The following CCDC116 variants were observed in gnomAD, a reference collection of about 807,000 sequenced individuals.
The protein encoded by CCDC116 is coiled-coil domain containing 116, also known as coiled-coil domain-containing protein 116.
A neutral mutation model predicts 29.4 loss-of-function variants in CCDC116; 24 were observed. The ratio of observed to expected loss-of-function variants is 0.82; its 90% CI spans 0.59 to 1.15. CCDC116 has a LOEUF of 1.15. Ranked by LOEUF, CCDC116 falls within the 50% of genes most tolerant of loss-of-function variation. The pLI, the probability that CCDC116 is intolerant of heterozygous loss-of-function variation, is 0.00. For missense variants in CCDC116, 791 were observed against 804.0 expected (o/e 0.98, Z 0.20); for synonymous variants, 298 against 331.4 (o/e 0.90, Z 1.10).
Position 21,636,759 on chromosome 22 carries a change from G to C in CCDC116, c.1531G>C (p.Ala511Pro). The part of the protein sequence containing the change: ...KLEESKRARQ[A>P]SRLSTSHCST... ...GGAGGAGTCCAAAAGGGCCCGGCAG[G>C]CCTCCCGGCTCAGCACCTCCCACTG... Residue 511 changes from alanine (A) to proline (P), a missense_variant, in exon 5 of 5, where the codon GCC becomes CCC. Transcript: ENST00000292779. 1 of 1,612,740 alleles carries C rather than the reference G, an allele frequency of 6.2e-7. No individual in the cohort carries two copies. The highest frequency in any genetic ancestry group is 8.5e-7 in the Non-Finnish European group (1 of 1,179,994).
rs761843056 is a variant in CCDC116, at chr22:21,634,902, T to C, written c.839T>C (p.Leu280Pro). ...REFNKEIKSL[L>P]SQLESLDLPG... Reference sequence around the variant, plus strand: ...TTCAATAAGGAGATCAAGTCATTACTGAGCCAGCTGGAGTCCCTCGACCTG... The same window carrying C: ...TTCAATAAGGAGATCAAGTCATTACCGAGCCAGCTGGAGTCCCTCGACCTG... Residue 280 changes from leucine (L) to proline (P), a missense_variant, in exon 4 of 5, where the codon CTG becomes CCG. By Grantham distance (98) the Leu-to-Pro change is moderately conservative. Transcript: ENST00000292779. 4.3e-6 allele frequency: 7 copies of C among 1,613,990 alleles called. No individual in the cohort carries two copies. Among genetic ancestry groups the C allele is most frequent in the Non-Finnish European group, 5.9e-6 (7 of 1,180,012 alleles).
At position 21,634,921 on chromosome 22, in the gene CCDC116, C is replaced by G. The variant is rs200987289; in HGVS notation, c.858C>G (p.Leu286=). 22 of 1,613,960 alleles carry G rather than the reference C, an allele frequency of 1.4e-5. No individual in the cohort carries two copies. The highest frequency in any genetic ancestry group is 1.8e-5 in the Non-Finnish European group (21 of 1,180,032). Residue 286 remains leucine (L), a synonymous_variant, in exon 4 of 5, where the codon CTC becomes CTG. Transcript: ENST00000292779. The stretch of plus-strand genomic sequence containing the variant: ...CATTACTGAGCCAGCTGGAGTCCCT[C>G]GACCTGCCTGGCTACTGTCCGCTCC... ...IKSLLSQLES[L]DLPGYCPLRE...
At position 21,635,985 on chromosome 22, in the gene CCDC116, A is replaced by G. The variant is rs1021277689; in HGVS notation, c.1204-447A>G. On this transcript the variant is annotated intron_variant, in intron 4 of 4. Transcript: ENST00000292779. ...GGACTTTGCTGAGGGGAAGTTGCCC[A>G]GGGAGGATGTGTACAAGACGTAGGT... 2.6e-5 allele frequency among the ~76,000 whole-genome samples: 4 copies of G among 152,320 alleles called. No individual in the cohort carries two copies. In the East Asian group the frequency reaches 5.8e-4, roughly 22 times the overall value.
At chr22:21,635,485 A>G in intron 4 of CCDC116, 1 of 703,324 alleles carries the variant, frequency 1.4e-6, no homozygotes, top group Non-Finnish European at 2.6e-6. Flanking sequence ...TCACACCTCC[A>G]CTTTCCTCCC....
Position 21,633,236 on chromosome 22 carries a change from T to G in CCDC116, c.55T>G (p.Ser19Ala). 1 of 1,551,118 alleles carries G rather than the reference T, an allele frequency of 6.4e-7. No individual in the cohort carries two copies. Among genetic ancestry groups the G allele is most frequent in the Non-Finnish European group, 8.7e-7 (1 of 1,147,076 alleles). ...CCTGGCCGATGACGAGGCCAGCCACTCCATGTGCAGTGCACGGGTAAGTGT... is the reference window on the plus strand; with the variant it reads ...CCTGGCCGATGACGAGGCCAGCCACGCCATGTGCAGTGCACGGGTAAGTGT... ...GYLADDEASH[S>A]MCSARVQLPK... The change falls in exon 2 of 5, where the codon TCC becomes GCC. Residue 19 changes from serine to alanine, a missense_variant. By Grantham distance (99) the Ser-to-Ala change is moderately conservative. Coordinates refer to ENST00000292779, the MANE Select transcript of CCDC116 (RefSeq NM_152612.3).
At position 21,636,613 on chromosome 22, in the gene CCDC116, GCTT is replaced by G; in HGVS notation, c.1391_1393del (p.Phe464del). On this transcript the variant is annotated inframe_deletion, in exon 5 of 5. Transcript: ENST00000292779. ...GAAAAGGACCTCAGTAAGCAGCTGG[GCTT>G]CTTCTCCTTCCCCATCACCCACGTG... The G allele has an allele frequency of 1.2e-6, 2 of 1,614,128 alleles. No homozygotes were observed. The highest frequency in any genetic ancestry group is 1.1e-5 in the South Asian group (1 of 91,080).
At chr22:21,636,265 C>G (rs1212102700) in intron 4 of CCDC116, among the ~76,000 whole-genome samples, 167 bp from the exon 5 acceptor site, 2 of 152,190 alleles carry the variant, frequency 1.3e-5, no homozygotes, top group African/African-American at 4.8e-5. Context: ...AAGGCTGTAC[C>G]CTTCGTGTGG....
rs2066039561 is a variant in CCDC116 at position 21,637,108 on chromosome 22, A to T, written c.*38A>T. On this transcript the variant is annotated 3_prime_UTR_variant, in exon 5 of 5. Transcript: ENST00000292779. Reference sequence around the variant, plus strand: ...CCTGGAGAGGAGGCCTCGGTCAGCCACTCCGTGGACGTGGGCCACGGTGAC... The same window carrying T: ...CCTGGAGAGGAGGCCTCGGTCAGCCTCTCCGTGGACGTGGGCCACGGTGAC... The T allele has an allele frequency of 6.5e-7, 1 of 1,539,960 alleles. No homozygotes were observed. Among genetic ancestry groups the T allele is most frequent in the Middle Eastern group, 1.8e-4 (1 of 5,442 alleles).
rs548594149 is a variant in CCDC116, at chr22:21,633,462, G to A, written c.72+209G>A. Reference sequence around the variant, plus strand: ...ATTCCTTGTTTCCTCCTGACTTCCAGCGACCCAGAAGGTGCTTGGGTGGAC... The same window carrying A: ...ATTCCTTGTTTCCTCCTGACTTCCAACGACCCAGAAGGTGCTTGGGTGGAC... On this transcript the variant is annotated intron_variant, in intron 2 of 4. Coordinates refer to ENST00000292779, the MANE Select transcript of CCDC116 (RefSeq NM_152612.3). Among the ~76,000 whole-genome samples the A allele has an allele frequency of 3.3e-5, 5 of 152,272 alleles. No individual in the cohort carries two copies. In the East Asian group the frequency reaches 9.6e-4, roughly 29 times the overall value.
In CCDC116 at chr22:21,636,731, A is replaced by G. The variant is rs762565661; in HGVS notation, c.1503A>G (p.Lys501=). 6.2e-7 allele frequency: 1 copy of G among 1,613,176 alleles called. No individual in the cohort carries two copies. The highest frequency in any genetic ancestry group is 1.1e-5 in the South Asian group (1 of 91,062). The stretch of plus-strand genomic sequence containing the variant: ...CCCACCGGAGCTGCCTGCTGCGTAA[A>G]CTGGAGGAGTCCAAAAGGGCCCGGC... ...SETHRSCLLR[K]LEESKRARQA... is the part of the protein sequence containing the mutation. The change falls in exon 5 of 5, where the codon AAA becomes AAG. Residue 501 remains lysine (K), a synonymous_variant. Coordinates refer to ENST00000292779, the MANE Select transcript of CCDC116 (RefSeq NM_152612.3).
rs373658268 is a variant in CCDC116, at chr22:21,636,727, G to A, written c.1499G>A (p.Arg500His). ...SSETHRSCLL[R>H]KLEESKRARQ... Reference sequence around the variant, plus strand: ...GAGACCCACCGGAGCTGCCTGCTGCGTAAACTGGAGGAGTCCAAAAGGGCC... The same window carrying A: ...GAGACCCACCGGAGCTGCCTGCTGCATAAACTGGAGGAGTCCAAAAGGGCC... The change falls in exon 5 of 5, where the codon CGT (arginine) becomes CAT (histidine). Residue 500 changes from arginine to histidine, a missense_variant. Physicochemically the swap from Arg to His is conservative, Grantham distance 29 (BLOSUM62 0). Coordinates refer to ENST00000292779, the MANE Select transcript of CCDC116 (RefSeq NM_152612.3). 54 of 1,613,292 alleles carry A rather than the reference G, an allele frequency of 3.3e-5. No individual in the cohort carries two copies. Among genetic ancestry groups the A allele is most frequent in the South Asian group, 6.6e-5 (6 of 91,088 alleles).
At chr22:21,632,960 T>C (rs946782053) in intron 1 of CCDC116, 133 bp downstream of exon 1, 2 of 696,350 alleles carry the variant, frequency 2.9e-6, no homozygotes, top group African/African-American at 3.5e-5. Context: ...CCGATGACTC[T>C]GGAAACTGCC....
chr22:21,635,301 C>T (rs866536068), intron 4 of CCDC116, 35 bp downstream of exon 4: 1 of 1,532,228 alleles, frequency 6.5e-7, no homozygotes, highest in Non-Finnish European at 8.9e-7. Flanking sequence ...GTCCCCAGCC[C>T]CTCACTCCAC....
At chr22:21,636,038 G>C (rs545613160) in intron 4 of CCDC116, among the ~76,000 whole-genome samples, 5 of 152,184 alleles carry the variant, frequency 3.3e-5, no homozygotes, top group African/African-American at 1.2e-4. Context: ...TCTCCAGCAC[G>C]GTCCCTCGAC....
intron 1 of CCDC116, 43 bp from the exon 2 acceptor site, chr22:21,633,076 TG>T: frequency 1.1e-6 from 1 of 877,082 alleles, no homozygotes; most frequent in Non-Finnish European, 1.9e-6. Flanking sequence ...CACAGATGCG[TG>T]GACCTATTGG....
chr22:21,634,218 TGGA>T lies in CCDC116; in HGVS notation c.271_273del (p.Glu91del). 1 of 1,614,188 alleles carries T rather than the reference TGGA, an allele frequency of 6.2e-7. No homozygotes were observed. Among genetic ancestry groups the T allele is most frequent in the Non-Finnish European group, 8.5e-7 (1 of 1,180,020 alleles). ...GTCCTGGACAGCCTGGAGACAGTGG[TGGA>T]GAAGGCGACTGAGCGCATGGCTGCC... is the stretch of plus-strand genomic sequence containing the variant. On this transcript the variant is annotated inframe_deletion, in exon 3 of 5. Coordinates refer to ENST00000292779, the MANE Select transcript of CCDC116 (RefSeq NM_152612.3).
chr22:21,634,351 C>T lies in CCDC116; in HGVS notation c.402C>T (p.His134=), dbSNP rs558112721. 1.1e-5 allele frequency: 18 copies of T among 1,612,666 alleles called. No individual in the cohort carries two copies. The East Asian group carries it at 1.3e-4, about 12-fold the overall frequency. ...CCCGGCCCAGCCTCAGCACCGTACA[C>T]CGGCACCGTGTACGGCCGACCCTCT... ...AHARPSLSTV[H]RHRVRPTLCT... is the part of the protein sequence containing the mutation. The change falls in exon 3 of 5, where the codon CAC becomes CAT. Residue 134 remains histidine, a synonymous_variant. Coordinates refer to ENST00000292779, the MANE Select transcript of CCDC116 (RefSeq NM_152612.3).
Position 21,632,984 on chromosome 22 carries a change from A to G in CCDC116, c.-62-136A>G, listed in dbSNP as rs916799473. The G allele has an allele frequency of 8.5e-6, 6 of 707,702 alleles. No homozygotes were observed. The African/African-American group carries it at 1.1e-4, about 12-fold the overall frequency. The allele number at this position is 707,702 out of a possible 1,614,324, so 43.8% of individuals were successfully genotyped here. A position where few individuals can be genotyped will look rare whatever the true frequency, so the allele number is the denominator to read the frequency against. Reference sequence around the variant, plus strand: ...CTGGAAACTGCCTGCCTGCAGACGCATGGGGGCCATGGAGCAGAGGAAGGG... The same window carrying G: ...CTGGAAACTGCCTGCCTGCAGACGCGTGGGGGCCATGGAGCAGAGGAAGGG... On this transcript the variant is annotated intron_variant, in intron 1 of 4. Transcript: ENST00000292779.
chr22:21,633,936 C>T, intron 2 of CCDC116, 86 bp from the exon 3 acceptor site: 1 of 1,341,598 alleles, frequency 7.5e-7, no homozygotes, highest in South Asian at 1.4e-5. Context: ...TTCCACTACT[C>T]ACTCCCACCC....
Sources: gnomAD v4.1 joint callset for allele counts (sites outside exome capture counted in the v4.1 genomes callset) on GRCh38, gnomAD v4.1.1 for gene constraint, MANE v1.5 for transcripts, NCBI Gene and HGNC (gene_info 2026-07-23, HGNC 2026-07-21) for gene names.